SIM1: variants seen among roughly 807,000 people sequenced by gnomAD.
The protein encoded by SIM1 is single-minded homolog 1.
In SIM1, 18 loss-of-function variants were observed where a neutral mutation model predicts 78.2. The ratio of observed to expected loss-of-function variants is 0.23; its 90% confidence interval spans 0.16 to 0.34. SIM1 has a LOEUF of 0.34. SIM1 is among the 10% of genes least tolerant of loss of function. SIM1 has a pLI of 1.00. For synonymous variants in SIM1, 417 were observed against 385.2 expected (o/e 1.08, Z -0.97); for missense variants, 939 against 975.1 (o/e 0.96, Z 0.49).
chr6:100,449,960 G>C (rs1393559553), intron 4 of SIM1, among the ~76,000 whole-genome samples: 5 of 152,194 alleles, frequency 3.3e-5, no homozygotes, highest in Non-Finnish European at 7.3e-5. Flanking sequence ...AGCAACAGCA[G>C]CAGCAGTTCC....
At chr6:100,419,705 G>A (rs940534391) in intron 10 of SIM1, among the ~76,000 whole-genome samples, 14 of 152,056 alleles carry the variant, frequency 9.2e-5, no homozygotes, top group African/African-American at 2.4e-4. Flanking sequence ...GCAATGGTGC[G>A]ATCTTGGCTC....
At chr6:100,413,205 G>A (rs1181724847) in intron 10 of SIM1, among the ~76,000 whole-genome samples, 6 of 152,086 alleles carry the variant, frequency 3.9e-5, no homozygotes, top group South Asian at 2.1e-4. Flanking sequence ...GGGTGAGGAC[G>A]GTATCCTCAG....
At chr6:100,425,348 T>C (rs751992723) in intron 9 of SIM1, among the ~76,000 whole-genome samples, 3 of 152,210 alleles carry the variant, frequency 2.0e-5, no homozygotes, top group Non-Finnish European at 2.9e-5. Context: ...TGTTACTTTT[T>C]AGCTTCTAAA....
intron 10 of SIM1, among the ~76,000 whole-genome samples, chr6:100,419,884 C>T (rs960891264): frequency 7.9e-5 from 12 of 152,034 alleles, no homozygotes; most frequent in African/African-American, 2.9e-4. Context: ...TCAAGTGATC[C>T]CCCACCTCGA....
At chr6:100,398,023 G>C (rs1174895449) in intron 10 of SIM1, among the ~76,000 whole-genome samples, 1 of 152,060 alleles carries the variant, frequency 6.6e-6, no homozygotes, top group African/African-American at 2.4e-5. Flanking sequence ...CCAATTGCTG[G>C]CAAAGATGTA....
chr6:100,452,984 G>A (rs1477463833), intron 3 of SIM1, among the ~76,000 whole-genome samples: 2 of 152,188 alleles, frequency 1.3e-5, no homozygotes, highest in Non-Finnish European at 2.9e-5. Context: ...AAGGCTTCCA[G>A]GAGAGTAGCT....
chr6:100,446,593 G>T (rs1772361397), intron 9 of SIM1, among the ~76,000 whole-genome samples: 1 of 152,244 alleles, frequency 6.6e-6, no homozygotes, highest in Non-Finnish European at 1.5e-5. Context: ...TTTCTAGAAA[G>T]AATAAGGCTC....
intron 2 of SIM1, among the ~76,000 whole-genome samples, chr6:100,456,883 G>C (rs1023153905): frequency 2.0e-5 from 3 of 152,068 alleles, no homozygotes; most frequent in African/African-American, 7.2e-5. Context: ...CTGACTGCAC[G>C]GGTTTTGTAA....
intron 6 of SIM1, 94 bp from the exon 7 acceptor site, chr6:100,448,772 A>G (rs1278331411): frequency 5.2e-6 from 6 of 1,163,020 alleles, no homozygotes; most frequent in Non-Finnish European, 7.3e-6. Context: ...AACTCTGCTT[A>G]GCCCCAAAGC....
chr6:100,430,632 C>T (rs754216249), intron 9 of SIM1, among the ~76,000 whole-genome samples: 67 of 152,160 alleles, frequency 4.4e-4, no homozygotes, highest in Non-Finnish European at 6.9e-4. Flanking sequence ...TGTGTCCATC[C>T]CCCTCACCAG....
chr6:100,445,338 G>C (rs1005037063), intron 9 of SIM1, among the ~76,000 whole-genome samples: 3 of 152,146 alleles, frequency 2.0e-5, no homozygotes, highest in African/African-American at 7.2e-5. Context: ...TTCATCTTGT[G>C]TGCTGTGTAT....
chr6:100,434,819 C>G (rs1037144431), intron 9 of SIM1, among the ~76,000 whole-genome samples: 4 of 152,136 alleles, frequency 2.6e-5, no homozygotes, highest in African/African-American at 7.2e-5. Flanking sequence ...CTACAATCTA[C>G]CCATCAGCCC....
intron 7 of SIM1, 58 bp from the exon 8 acceptor site, chr6:100,448,310 C>T (rs773103146): frequency 6.9e-7 from 1 of 1,448,686 alleles, no homozygotes; most frequent in Non-Finnish European, 9.5e-7. Context: ...ATGCCCTCCC[C>T]ACACACCCTC....
chr6:100,435,770 T>G (rs887015900), intron 9 of SIM1, among the ~76,000 whole-genome samples: 2 of 152,086 alleles, frequency 1.3e-5, no homozygotes, highest in East Asian at 3.8e-4. Flanking sequence ...CTGAGATTCA[T>G]AATCCTATCA....
At chr6:100,455,904 C>G (rs1292308325) in intron 2 of SIM1, among the ~76,000 whole-genome samples, 3 of 152,202 alleles carry the variant, frequency 2.0e-5, no homozygotes, top group South Asian at 2.1e-4. Context: ...GTTCTGAACT[C>G]CCGGCGCCAG....
intron 9 of SIM1, among the ~76,000 whole-genome samples, chr6:100,439,466 T>C (rs575660727): frequency 6.6e-6 from 1 of 152,268 alleles, no homozygotes; most frequent in South Asian, 2.1e-4. Context: ...TCTCAAAGAT[T>C]TCGATGGAAC....
At chr6:100,435,342 A>C (rs974873066) in intron 9 of SIM1, among the ~76,000 whole-genome samples, 1 of 152,240 alleles carries the variant, frequency 6.6e-6, no homozygotes, top group East Asian at 1.9e-4. Context: ...ACCCTAAAAC[A>C]GCATTATCCA....
chr6:100,461,508 T>C (rs1163988774), intron 2 of SIM1, among the ~76,000 whole-genome samples: 1 of 152,206 alleles, frequency 6.6e-6, no homozygotes, highest in African/African-American at 2.4e-5. Context: ...CATATGCTGC[T>C]TCTGATCAAA....
At position 100,386,530 on chromosome 6, in the gene SIM1, C is replaced by T. The variant is rs1394895790; in HGVS notation, c.*3831G>A. 1.3e-5 allele frequency: 2 copies of T among 151,962 alleles called. No individual in the cohort carries two copies. Among genetic ancestry groups the T allele is most frequent in the Non-Finnish European group, 2.9e-5 (2 of 67,910 alleles). The allele number at this position is 151,962 out of a possible 1,614,324, so 9.4% of individuals were successfully genotyped here. A position where few individuals can be genotyped will look rare whatever the true frequency, so the allele number is the denominator to read the frequency against. On this transcript the variant is annotated 3_prime_UTR_variant, in exon 12 of 12. Transcript: ENST00000369208. ...TGTATTTCATTTTAAAATATATATG[C>T]ATATTTTCCAAATGGTCTTGTACTA...
Sources: allele counts gnomAD v4.1 joint callset (sites outside exome capture counted in the v4.1 genomes callset), GRCh38; gene constraint gnomAD v4.1.1; transcripts MANE v1.5; gene names NCBI Gene and HGNC (gene_info 2026-07-23, HGNC 2026-07-21).